Variants in TSPAN9 observed in about 807,000 individuals in gnomAD.
TSPAN9 encodes tetraspanin 9, also known as tetraspanin-9.
Under a neutral mutation model 31.0 loss-of-function variants are expected in TSPAN9, and 16 were observed. That is an observed-to-expected ratio of 0.52 (90% CI 0.35 to 0.78). TSPAN9 has a LOEUF of 0.78. TSPAN9 is among the 30% of genes least tolerant of loss of function. The pLI is 0.01. For synonymous variants in TSPAN9, 145 were observed against 121.6 expected (o/e 1.19, Z -1.27); for missense variants, 272 against 312.5 (o/e 0.87, Z 0.98).
chr12:3,115,268 T>A (rs1360337973), intron 2 of TSPAN9, among the ~76,000 whole-genome samples: 2 of 152,248 alleles, frequency 1.3e-5, no homozygotes, highest in Non-Finnish European at 2.9e-5. Flanking sequence ...CATTCCTTTT[T>A]AGGGCTCAGT....
At chr12:3,188,401 A>C (rs2098362558) in intron 2 of TSPAN9, among the ~76,000 whole-genome samples, 1 of 152,170 alleles carries the variant, frequency 6.6e-6, no homozygotes, top group Non-Finnish European at 1.5e-5. Context: ...ACAGAGCGGC[A>C]GGGGGAATAT....
At chr12:3,116,890 C>T (rs912199495) in intron 2 of TSPAN9, among the ~76,000 whole-genome samples, 7 of 152,264 alleles carry the variant, frequency 4.6e-5, no homozygotes, top group South Asian at 2.1e-4. Flanking sequence ...CGCCCTTGGA[C>T]GCATTCTGGC....
At chr12:3,140,487 G>C (rs947202981) in intron 2 of TSPAN9, among the ~76,000 whole-genome samples, 3 of 152,170 alleles carry the variant, frequency 2.0e-5, no homozygotes, top group Non-Finnish European at 4.4e-5. Flanking sequence ...GATCAGCTGA[G>C]AAGTGCTGCC....
intron 1 of TSPAN9, among the ~76,000 whole-genome samples, chr12:3,083,377 T>G (rs2098298844): frequency 6.6e-6 from 1 of 152,234 alleles, no homozygotes; most frequent in Admixed American, 6.5e-5. Flanking sequence ...CTGTTACTTC[T>G]GTAACTGCCC....
At chr12:3,090,817 C>G (rs889354457) in intron 2 of TSPAN9, among the ~76,000 whole-genome samples, 3 of 148,866 alleles carry the variant, frequency 2.0e-5, no homozygotes, top group Admixed American at 1.3e-4. Context: ...AGGAATAGAC[C>G]CCACCGATCT....
intron 2 of TSPAN9, among the ~76,000 whole-genome samples, chr12:3,088,618 C>T (rs549376750): frequency 3.7e-4 from 56 of 152,298 alleles, no homozygotes; most frequent in African/African-American, 1.3e-3. Flanking sequence ...AGTTCGTGCC[C>T]GCAGTGCAGG....
intron 2 of TSPAN9, among the ~76,000 whole-genome samples, chr12:3,097,616 T>C (rs1328301420): frequency 2.0e-5 from 3 of 152,108 alleles, no homozygotes; most frequent in Non-Finnish European, 4.4e-5. Flanking sequence ...TGTGACTTCC[T>C]GGAGGAGGGG....
intron 2 of TSPAN9, among the ~76,000 whole-genome samples, chr12:3,094,048 G>C (rs75597551): frequency 6.6e-6 from 1 of 152,094 alleles, no homozygotes; most frequent in East Asian, 1.9e-4. Flanking sequence ...TATTTGTAGA[G>C]ATGGGGTCGC....
intron 2 of TSPAN9, among the ~76,000 whole-genome samples, chr12:3,088,377 A>T (rs1260788110): frequency 6.9e-6 from 1 of 143,978 alleles, no homozygotes; most frequent in Non-Finnish European, 1.5e-5. Context: ...AGCATCACCC[A>T]TGGTGTGAGT....
intron 2 of TSPAN9, chr12:3,200,963 C>T (rs1205883959): frequency 1.9e-6 from 1 of 529,322 alleles, no homozygotes; most frequent in South Asian, 2.5e-5. Context: ...CCATCGGAGT[C>T]CATCTTTGGA....
chr12:3,127,431 C>T (rs1480248754), intron 2 of TSPAN9, among the ~76,000 whole-genome samples: 5 of 151,908 alleles, frequency 3.3e-5, no homozygotes, highest in African/African-American at 9.7e-5. Flanking sequence ...TCTCGGCTCA[C>T]TGCAAGCTCC....
In TSPAN9 at chr12:3,107,847, A is replaced by C. The variant is rs748251315; in HGVS notation, c.-18+24128A>C. On this transcript the variant is annotated intron_variant, in intron 2 of 8. Coordinates refer to ENST00000011898, the MANE Select transcript of TSPAN9 (RefSeq NM_006675.5). The surrounding 1 kb of genome is among the most constrained non-coding windows in gnomAD (Gnocchi z 4.1). ...TCATTTTTTCCTGGCTTGAGTTTCA[A>C]ATGTCAACTGGGACTCTTGTCTCTG... Among the ~76,000 whole-genome samples the C allele has an allele frequency of 1.1e-4, 16 of 152,122 alleles. No individual in the cohort carries two copies. Among genetic ancestry groups the C allele is most frequent in the Non-Finnish European group, 1.9e-4 (13 of 68,020 alleles).
chr12:3,089,211 G>A (rs1474149462), intron 2 of TSPAN9, among the ~76,000 whole-genome samples: 4 of 147,064 alleles, frequency 2.7e-5, no homozygotes, highest in Non-Finnish European at 6.0e-5. Context: ...CAGCCTGGGT[G>A]ACAGAGCGAG....
intron 3 of TSPAN9, among the ~76,000 whole-genome samples, chr12:3,265,987 C>G (rs149653816): frequency 6.6e-6 from 1 of 152,132 alleles, no homozygotes; most frequent in Admixed American, 6.5e-5. Context: ...GTGTGTGATA[C>G]GGGCTCGGTT....
intron 2 of TSPAN9, among the ~76,000 whole-genome samples, chr12:3,166,871 A>G (rs1183197725): frequency 6.6e-6 from 1 of 152,100 alleles, no homozygotes; most frequent in East Asian, 1.9e-4. Flanking sequence ...ATCTCGGCTC[A>G]CTGCAACCTC....
At chr12:3,250,982 C>T (rs76799974) in intron 3 of TSPAN9, among the ~76,000 whole-genome samples, 5,142 of 152,292 alleles carry the variant, frequency 0.034, 305 homozygotes, top group African/African-American at 0.12. Context: ...TGCCTCCTCC[C>T]GCTTCTGCCT....
intron 2 of TSPAN9, among the ~76,000 whole-genome samples, chr12:3,196,564 G>C (rs1490326098): frequency 1.3e-5 from 2 of 152,196 alleles, no homozygotes; most frequent in Non-Finnish European, 2.9e-5. Flanking sequence ...GAGTTACTTT[G>C]TGGGAAGCTG....
At chr12:3,253,087 T>G (rs1343610446) in intron 3 of TSPAN9, among the ~76,000 whole-genome samples, 2 of 152,188 alleles carry the variant, frequency 1.3e-5, no homozygotes, top group South Asian at 2.1e-4. Context: ...CTGACCCACC[T>G]CTCAGAAGTG....
chr12:3,109,299 T>TGTGTGTGTGTGTGTGTGA (rs1274383200), intron 2 of TSPAN9, among the ~76,000 whole-genome samples: 3 of 118,300 alleles, frequency 2.5e-5, no homozygotes, highest in African/African-American at 1.4e-4. Context: ...TGTGTGTGTG[T>TGTGTGTGTGTGTGTGTGA]GAGAGAGAGT....
Sources: allele counts gnomAD v4.1 joint callset (sites outside exome capture counted in the v4.1 genomes callset), GRCh38; gene constraint gnomAD v4.1.1; non-coding constraint Gnocchi (gnomAD v3.1); transcripts MANE v1.5; gene names NCBI Gene and HGNC (gene_info 2026-07-23, HGNC 2026-07-21).